The following SLC35F1 variants were observed in gnomAD, a reference collection of about 807,000 sequenced individuals.
SLC35F1 encodes the protein solute carrier family 35 member F1.
In SLC35F1, 14 loss-of-function variants were observed where a neutral mutation model predicts 48.7. That is an observed-to-expected ratio of 0.29 (90% CI 0.19 to 0.45). The LOEUF (loss-of-function observed/expected upper bound fraction) is 0.45, where lower values mean the gene tolerates loss of function less well. Among genes scored for constraint, SLC35F1 ranks in the 20% least tolerant of loss-of-function variants. The probability of loss-of-function intolerance (pLI) is 1.00; values close to 1 mark genes in which losing one functional copy is unlikely to be tolerated. For synonymous variants in SLC35F1, 190 were observed against 202.2 expected, an observed-to-expected ratio of 0.94 and a Z score of 0.51; for missense variants, 404 against 500.0, an observed-to-expected ratio of 0.81 and a Z score of 1.83.
intron 1 of SLC35F1, among the ~76,000 whole-genome samples, chr6:117,933,431 C>T (rs933798178): frequency 3.3e-5 from 5 of 152,122 alleles, no homozygotes; most frequent in Non-Finnish European, 7.3e-5. Context: ...ACCACACTCA[C>T]AATATTTCTG....
At chr6:117,908,260 G>T (rs1775720381) in intron 1 of SLC35F1, among the ~76,000 whole-genome samples, 1 of 152,170 alleles carries the variant, frequency 6.6e-6, no homozygotes, top group African/African-American at 2.4e-5. Context: ...GGGTCGGGGG[G>T]ACGCGGGGAC....
intron 1 of SLC35F1, among the ~76,000 whole-genome samples, chr6:118,054,071 G>T (rs1772429064): frequency 6.6e-6 from 1 of 152,174 alleles, no homozygotes; most frequent in Non-Finnish European, 1.5e-5. Flanking sequence ...GGCTGAAGAT[G>T]TGTTTGTTGA....
At chr6:118,008,835 C>T (rs1295584868) in intron 1 of SLC35F1, among the ~76,000 whole-genome samples, 1 of 152,194 alleles carries the variant, frequency 6.6e-6, no homozygotes, top group South Asian at 2.1e-4. Flanking sequence ...ACTGTCTAAA[C>T]TCCCTCTGGA....
chr6:118,279,442 G>C (rs78869213), intron 6 of SLC35F1, among the ~76,000 whole-genome samples: 3,774 of 152,224 alleles, frequency 0.025, 153 homozygotes, highest in African/African-American at 0.085. Flanking sequence ...TGTGTTGTTA[G>C]CTCAGTTCTA....
intron 1 of SLC35F1, among the ~76,000 whole-genome samples, chr6:117,999,884 C>T (rs1777064495): frequency 6.6e-6 from 1 of 152,010 alleles, no homozygotes; most frequent in African/African-American, 2.4e-5. Flanking sequence ...ATATACCCTC[C>T]CAAGACTAAA....
chr6:117,951,644 C>T (rs2114827745), intron 1 of SLC35F1, among the ~76,000 whole-genome samples: 1 of 152,046 alleles, frequency 6.6e-6, no homozygotes, highest in East Asian at 1.9e-4. Context: ...TTCTGGCTTC[C>T]TTGAAAGAAG....
chr6:117,952,910 C>CA (rs1268622125), intron 1 of SLC35F1, among the ~76,000 whole-genome samples: 1 of 152,076 alleles, frequency 6.6e-6, no homozygotes, highest in Non-Finnish European at 1.5e-5. Context: ...TGGTTTTCAA[C>CA]AAAAAATTAT....
At chr6:118,050,239 T>A (rs1311617593) in intron 1 of SLC35F1, among the ~76,000 whole-genome samples, 1 of 151,772 alleles carries the variant, frequency 6.6e-6, no homozygotes, top group East Asian at 1.9e-4. Flanking sequence ...GGGGGAGGGA[T>A]AGCATTAGGA....
chr6:118,133,971 G>T (rs982595120), intron 1 of SLC35F1, among the ~76,000 whole-genome samples: 2 of 152,178 alleles, frequency 1.3e-5, no homozygotes, highest in African/African-American at 4.8e-5. Flanking sequence ...CCTCATGCTT[G>T]CTACCTTGCT....
chr6:117,952,025 G>A (rs1040476807), intron 1 of SLC35F1, among the ~76,000 whole-genome samples: 1 of 152,216 alleles, frequency 6.6e-6, no homozygotes, highest in African/African-American at 2.4e-5. Context: ...GCCTCATGCT[G>A]TGTCCTTCTG....
chr6:117,957,695 C>G (rs1776444150), intron 1 of SLC35F1, among the ~76,000 whole-genome samples: 1 of 152,104 alleles, frequency 6.6e-6, no homozygotes, highest in African/African-American at 2.4e-5. Context: ...ATTTCTATCG[C>G]CTAATGATAT....
intron 1 of SLC35F1, among the ~76,000 whole-genome samples, chr6:118,124,907 C>T (rs1411216784): frequency 6.6e-6 from 1 of 152,134 alleles, no homozygotes; most frequent in Admixed American, 6.6e-5. Context: ...ATATTCTTCA[C>T]AACGTGCAAA....
At chr6:118,046,593 T>A (rs1369948364) in intron 1 of SLC35F1, among the ~76,000 whole-genome samples, 5 of 152,108 alleles carry the variant, frequency 3.3e-5, no homozygotes, top group Admixed American at 6.6e-5. Flanking sequence ...TTTCTTTATC[T>A]GAAAAACTAG....
intron 7 of SLC35F1, among the ~76,000 whole-genome samples, chr6:118,293,157 G>A (rs182301387): frequency 6.6e-6 from 1 of 152,118 alleles, no homozygotes; most frequent in Non-Finnish European, 1.5e-5. Context: ...AATTGAAAGG[G>A]TGTTAGTTTC....
At chr6:118,102,375 G>A (rs1773270747) in intron 1 of SLC35F1, among the ~76,000 whole-genome samples, 1 of 152,126 alleles carries the variant, frequency 6.6e-6, no homozygotes, top group Non-Finnish European at 1.5e-5. Flanking sequence ...TTAGAGACAG[G>A]TTCTTGCTGT....
At chr6:118,083,290 C>G (rs888561634) in intron 1 of SLC35F1, among the ~76,000 whole-genome samples, 1 of 152,088 alleles carries the variant, frequency 6.6e-6, no homozygotes, top group African/African-American at 2.4e-5. Context: ...TGGACAGATA[C>G]TAAAAAAGGC....
At chr6:118,275,750 T>G (rs1775911525) in intron 5 of SLC35F1, 135 bp downstream of exon 5, 1 of 652,540 alleles carries the variant, frequency 1.5e-6, no homozygotes, top group East Asian at 2.9e-5. Flanking sequence ...TTATGTAATC[T>G]GCCAACTCAA....
At chr6:118,233,737 G>A (rs929059327) in intron 2 of SLC35F1, among the ~76,000 whole-genome samples, 1 of 152,194 alleles carries the variant, frequency 6.6e-6, no homozygotes, top group African/African-American at 2.4e-5. Context: ...GCATTACCCA[G>A]TTGGGGAAAG....
chr6:118,014,012 C>T (rs1390128609), intron 1 of SLC35F1, among the ~76,000 whole-genome samples: 2 of 152,142 alleles, frequency 1.3e-5, no homozygotes, highest in African/African-American at 4.8e-5. Flanking sequence ...TAATCTAAGT[C>T]TGCTATTGCT....
Sources: allele counts gnomAD v4.1 joint callset (sites outside exome capture counted in the v4.1 genomes callset), GRCh38; gene constraint gnomAD v4.1.1; transcripts MANE v1.5; gene names NCBI Gene and HGNC (gene_info 2026-07-23, HGNC 2026-07-21).